The following SPATA9 variants were observed in gnomAD, a reference collection of about 807,000 sequenced individuals.
SPATA9 encodes the protein spermatogenesis-associated protein 9.
Under a neutral mutation model 25.5 loss-of-function variants are expected in SPATA9, and 27 were observed. The ratio of observed to expected loss-of-function variants is 1.06; its 90% CI spans 0.78 to 1.46. SPATA9 has a LOEUF of 1.46. SPATA9 is among the 40% of genes most tolerant of loss of function. The pLI, the probability that SPATA9 is intolerant of heterozygous loss-of-function variation, is 0.00. For synonymous variants in SPATA9, 102 were observed against 105.7 expected (o/e 0.97, Z 0.21); for missense variants, 282 against 297.5 (o/e 0.95, Z 0.38).
chr5:95,725,400 T>C, the SPATA9 span, among the ~76,000 whole-genome samples: 1 of 152,234 alleles, frequency 6.6e-6, no homozygotes, highest in African/African-American at 2.4e-5. Context: ...TAATGAAAAA[T>C]GAATAATCAT....
rs1474692598 is a variant in SPATA9 at position 95,660,897 on chromosome 5, T to C, written c.475-1984A>G. ...CAATTTATAACATACTTGAGTATCT[T>C]CCATCCTAATATTTAAAAATTAAAA... On this transcript the variant is annotated intron_variant, in intron 4 of 4. Transcript: ENST00000274432. 3.3e-5 allele frequency among the ~76,000 whole-genome samples: 5 copies of C among 152,196 alleles called. No homozygotes were observed. The East Asian group carries it at 5.8e-4, about 18-fold the overall frequency.
intron 4 of SPATA9, among the ~76,000 whole-genome samples, 188 bp from the exon 5 acceptor site, chr5:95,659,101 A>G (rs1465842770): frequency 1.3e-5 from 2 of 152,204 alleles, no homozygotes; most frequent in Non-Finnish European, 2.9e-5. Context: ...ATAATACATT[A>G]CAATCTAGAG....
At chr5:95,703,151 A>G (rs1246268938), upstream of SPATA9, among the ~76,000 whole-genome samples, 1 of 152,258 alleles carries the variant, frequency 6.6e-6, no homozygotes, top group Non-Finnish European at 1.5e-5. Context: ...TCCTCACTTC[A>G]TATGGAATTT....
chr5:95,666,973 A>T (rs1751870565), intron 3 of SPATA9, among the ~76,000 whole-genome samples: 3 of 152,226 alleles, frequency 2.0e-5, no homozygotes, highest in African/African-American at 7.2e-5. Flanking sequence ...TATAGTTAAC[A>T]TTTGTAGAAC....
Position 95,658,649 on chromosome 5 carries a change from A to G in SPATA9, c.739T>C (p.Ser247Pro). The change falls in exon 5 of 5, where the codon TCA (serine) becomes CCA (proline). Residue 247 changes from serine (S) to proline (P), a missense_variant. By Grantham distance (74) the Ser-to-Pro change is moderately conservative. Transcript: ENST00000274432. The part of the protein sequence containing the change: ...IQVLHSVFDQ[S>P]AEMNEQI ...CAGATTTGCTCATTCATTTCAGCTG[A>G]TTGGTCAAACACAGAATGTAAAACT... 1 of 1,613,214 alleles carries G rather than the reference A, an allele frequency of 6.2e-7. No homozygotes were observed. Among genetic ancestry groups the G allele is most frequent in the East Asian group, 2.2e-5 (1 of 44,856 alleles).
At chr5:95,726,877 C>T in the SPATA9 span, among the ~76,000 whole-genome samples, 248 of 152,366 alleles carry the variant, frequency 1.6e-3, no homozygotes, top group Non-Finnish European at 3.0e-3. Flanking sequence ...CCCCAACACT[C>T]CTTGTATCTG....
chr5:95,652,273 T>C, downstream of SPATA9: 1 of 1,550,384 alleles, frequency 6.5e-7, no homozygotes, highest in Non-Finnish European at 8.7e-7. Flanking sequence ...GACCTCTAAA[T>C]GTTGAAGTGT....
intron 2 of SPATA9, among the ~76,000 whole-genome samples, chr5:95,675,975 C>T (rs961423957): frequency 5.9e-5 from 9 of 152,050 alleles, no homozygotes; most frequent in Admixed American, 3.3e-4. Context: ...GCAAGCACCA[C>T]CATGCCCATC....
rs186396430 is a variant in SPATA9 at position 95,670,819 on chromosome 5, T to G, written c.378+4593A>C. 1.7e-5 allele frequency: 17 copies of G among 984,510 alleles called. No homozygotes were observed. In the Admixed American group the frequency reaches 8.0e-4, roughly 46 times the overall value. 61.0% of individuals were successfully genotyped at this position (984,510 alleles called of 1,614,324 possible). On this transcript the variant is annotated intron_variant, in intron 3 of 4. Transcript: ENST00000274432. ...TTGACCTCTGCCACATCTCATACAT[T>G]CCGGTTGCACCTTTGACTCTCCAGG...
At chr5:95,668,969 A>G (rs1336042885) in intron 3 of SPATA9, among the ~76,000 whole-genome samples, 1 of 152,216 alleles carries the variant, frequency 6.6e-6, no homozygotes, top group Admixed American at 6.5e-5. Context: ...TAACTCTCAG[A>G]CAAATGTTGC....
intron 2 of SPATA9, among the ~76,000 whole-genome samples, chr5:95,679,565 T>A (rs1037833843): frequency 2.6e-5 from 4 of 152,138 alleles, no homozygotes; most frequent in African/African-American, 9.7e-5. Context: ...ATTCCTACAC[T>A]TTAGTATCAC....
chr5:95,690,334 G>A (rs976522586), intron 1 of SPATA9, among the ~76,000 whole-genome samples: 1 of 152,130 alleles, frequency 6.6e-6, no homozygotes, highest in Admixed American at 6.5e-5. Flanking sequence ...GTAGAAAAGA[G>A]CACCCTGGTA....
chr5:95,655,930 GA>G (rs1197830670), downstream of SPATA9: 22 of 890,830 alleles, frequency 2.5e-5, no homozygotes, highest in Non-Finnish European at 3.3e-5. Flanking sequence ...TACATAGGAG[GA>G]AAAAAAGAAA....
At chr5:95,708,623 C>T in the SPATA9 span, 2 of 696,490 alleles carry the variant, frequency 2.9e-6, no homozygotes, top group African/African-American at 3.5e-5. Context: ...TTTTGGAGTT[C>T]TTTTTCTGTA....
At chr5:95,659,908 C>G (rs866221374) in intron 4 of SPATA9, among the ~76,000 whole-genome samples, 1 of 152,130 alleles carries the variant, frequency 6.6e-6, no homozygotes, top group African/African-American at 2.4e-5. Context: ...AGTTTTTCCT[C>G]CTATATAGAC....
At chr5:95,659,062 A>G in intron 4 of SPATA9, 149 bp from the exon 5 acceptor site, 1 of 989,886 alleles carries the variant, frequency 1.0e-6, no homozygotes, top group Non-Finnish European at 1.4e-6. Flanking sequence ...CAGGTACATA[A>G]TATAATAAGC....
the SPATA9 span, among the ~76,000 whole-genome samples, chr5:95,727,447 A>G: frequency 6.6e-6 from 1 of 152,234 alleles, no homozygotes; most frequent in South Asian, 2.1e-4. Context: ...GAATTACTTT[A>G]CATGTCCTTA....
At chr5:95,683,832 C>T (rs1036028530), upstream of SPATA9, among the ~76,000 whole-genome samples, 7 of 152,140 alleles carry the variant, frequency 4.6e-5, no homozygotes, top group Admixed American at 1.3e-4. Flanking sequence ...CCACCACGCC[C>T]GGCCGACAGC....
At chr5:95,696,530 T>C (rs971987211) in intron 1 of SPATA9, among the ~76,000 whole-genome samples, 8 of 152,184 alleles carry the variant, frequency 5.3e-5, no homozygotes, top group African/African-American at 1.7e-4. Context: ...AGGAGTATTG[T>C]AATAGTTTTT....
Sources: gnomAD v4.1 joint callset for allele counts (sites outside exome capture counted in the v4.1 genomes callset) on GRCh38, gnomAD v4.1.1 for gene constraint, MANE v1.5 for transcripts, NCBI Gene and HGNC (gene_info 2026-07-23, HGNC 2026-07-21) for gene names.